PDE7B: variants seen among roughly 807,000 people sequenced by gnomAD.
The protein encoded by PDE7B is phosphodiesterase 7B.
PDE7B carries 29 observed loss-of-function variants against 56.2 expected under a neutral mutation model. The observed-to-expected ratio is 0.52, with a 90% CI of 0.38 to 0.70. The LOEUF (loss-of-function observed/expected upper bound fraction) is 0.70, where lower values mean the gene tolerates loss of function less well. Ranked by LOEUF, PDE7B falls within the 30% of genes least tolerant of loss-of-function variation. The pLI is 0.00. For missense variants in PDE7B, 490 were observed against 565.0 expected, an observed-to-expected ratio of 0.87 and a Z score of 1.35; for synonymous variants, 197 against 196.9, an observed-to-expected ratio of 1.00 and a Z score of 0.00.
intron 2 of PDE7B, among the ~76,000 whole-genome samples, chr6:136,074,554 A>G (rs965873700): frequency 1.3e-5 from 2 of 152,036 alleles, no homozygotes; most frequent in African/African-American, 4.8e-5. Flanking sequence ...ATATTTTTGT[A>G]CCAATTAACC....
At chr6:135,868,606 A>G (rs1421683474) in intron 1 of PDE7B, among the ~76,000 whole-genome samples, 7 of 152,136 alleles carry the variant, frequency 4.6e-5, no homozygotes, top group African/African-American at 1.7e-4. Flanking sequence ...TAATTTTTGT[A>G]TTTTTAGTAG....
At chr6:136,090,721 C>G (rs1002223084) in intron 2 of PDE7B, among the ~76,000 whole-genome samples, 1 of 152,060 alleles carries the variant, frequency 6.6e-6, no homozygotes, top group African/African-American at 2.4e-5. Context: ...GTTAAACAAC[C>G]AAGTCTCCTA....
intron 1 of PDE7B, among the ~76,000 whole-genome samples, chr6:135,900,195 A>G (rs762599535): frequency 6.6e-6 from 1 of 152,064 alleles, no homozygotes; most frequent in Non-Finnish European, 1.5e-5. Flanking sequence ...TTAAAATTTA[A>G]TATCTCGGGG....
rs537566065 is a variant in PDE7B at position 135,912,228 on chromosome 6, G to C, written c.22-35236G>C. 1.7e-4 allele frequency among the ~76,000 whole-genome samples: 26 copies of C among 152,170 alleles called. No individual in the cohort carries two copies. The East Asian group carries it at 3.7e-3, about 22-fold the overall frequency. ...TCCTACCTAGTACAGTTCTCTCTCT[G>C]TATCCCTGGGTTCCACATCAGCAGA... On this transcript the variant is annotated intron_variant, in intron 1 of 12. Coordinates refer to ENST00000308191, the MANE Select transcript of PDE7B (RefSeq NM_018945.4).
chr6:136,190,877 G>A (rs770275639), intron 12 of PDE7B, among the ~76,000 whole-genome samples: 40 of 152,052 alleles, frequency 2.6e-4, no homozygotes, highest in Admixed American at 1.8e-3. Flanking sequence ...ACTGTAAAAT[G>A]ATCATCTTGA....
In PDE7B at chr6:136,173,100, T is replaced by C. The variant is rs1778919508; in HGVS notation, c.712-697T>C. Reference sequence around the variant, plus strand: ...TGCCCAAGGTAATTTATAGATTCAATGCCATCCCCATCAAACTACCAATGA... The same window carrying C: ...TGCCCAAGGTAATTTATAGATTCAACGCCATCCCCATCAAACTACCAATGA... On this transcript the variant is annotated intron_variant, in intron 8 of 12. Transcript: ENST00000308191. Among the ~76,000 whole-genome samples, 5 of 152,274 alleles carry C rather than the reference T, an allele frequency of 3.3e-5. No homozygotes were observed. The South Asian group carries it at 1.0e-3, about 32-fold the overall frequency.
chr6:136,152,468 G>A (rs113068154), intron 6 of PDE7B, among the ~76,000 whole-genome samples: 52 of 152,314 alleles, frequency 3.4e-4, no homozygotes, highest in African/African-American at 1.2e-3. Flanking sequence ...GTTTAGGAGA[G>A]GTACAAAGAG....
At chr6:135,983,605 C>T (rs1248475280) in intron 2 of PDE7B, among the ~76,000 whole-genome samples, 1 of 152,110 alleles carries the variant, frequency 6.6e-6, no homozygotes, top group East Asian at 1.9e-4. Flanking sequence ...GGTTATAGCA[C>T]TAAAGTTTCC....
chr6:135,910,362 C>T (rs192214254), intron 1 of PDE7B, among the ~76,000 whole-genome samples: 19 of 152,306 alleles, frequency 1.2e-4, no homozygotes, highest in African/African-American at 3.6e-4. Flanking sequence ...TCAGTAACAC[C>T]GAGGTTATAC....
At chr6:136,110,711 CATT>C (rs1777730157) in intron 3 of PDE7B, among the ~76,000 whole-genome samples, 1 of 138,636 alleles carries the variant, frequency 7.2e-6, no homozygotes, top group African/African-American at 2.8e-5. Flanking sequence ...GATTCTGCAA[CATT>C]TTTTTTTTTT....
intron 2 of PDE7B, among the ~76,000 whole-genome samples, chr6:136,029,412 A>G (rs1220546349): frequency 6.6e-6 from 1 of 152,242 alleles, no homozygotes; most frequent in African/African-American, 2.4e-5. Context: ...TCAGCAAGGT[A>G]TGTGAACATA....
intron 3 of PDE7B, among the ~76,000 whole-genome samples, chr6:136,135,790 C>T (rs1778203288): frequency 6.6e-6 from 1 of 152,006 alleles, no homozygotes; most frequent in African/African-American, 2.4e-5. Context: ...ACAACCAAGT[C>T]TAAGTTATTA....
chr6:136,166,568 G>A (rs539390560), intron 8 of PDE7B, among the ~76,000 whole-genome samples: 1 of 152,220 alleles, frequency 6.6e-6, no homozygotes, highest in East Asian at 1.9e-4. Context: ...GCAAGAGAGA[G>A]AGTGAGGGCA....
chr6:136,070,552 T>C (rs576719122), intron 2 of PDE7B, among the ~76,000 whole-genome samples: 305 of 152,320 alleles, frequency 2.0e-3, no homozygotes, highest in Middle Eastern at 6.8e-3. Context: ...TCTGCTTTTT[T>C]TATTTTAAAA....
chr6:135,918,528 C>T (rs1426400931), intron 1 of PDE7B, among the ~76,000 whole-genome samples: 1 of 152,008 alleles, frequency 6.6e-6, no homozygotes, highest in African/African-American at 2.4e-5. Flanking sequence ...GTTTCTGTAC[C>T]ACTACTAGAA....
chr6:135,975,030 T>C (rs7744526), intron 2 of PDE7B, among the ~76,000 whole-genome samples: 12,840 of 152,030 alleles, frequency 0.084, 1,042 homozygotes, highest in African/African-American at 0.21. Context: ...GTGATGGTGC[T>C]GAGGCCCCTG....
chr6:135,907,675 T>A (rs1224101550), intron 1 of PDE7B, among the ~76,000 whole-genome samples: 1 of 152,186 alleles, frequency 6.6e-6, no homozygotes, highest in Non-Finnish European at 1.5e-5. Context: ...GTAATTTTAA[T>A]TTACATTTAC....
At chr6:136,037,894 T>G in intron 2 of PDE7B, 1 of 1,174,676 alleles carries the variant, frequency 8.5e-7, no homozygotes, top group Non-Finnish European at 1.1e-6. Flanking sequence ...GGCTTTTTTT[T>G]TTCTCCCTGC....
chr6:135,865,725 G>C (rs1162681641), intron 1 of PDE7B, among the ~76,000 whole-genome samples: 1 of 151,724 alleles, frequency 6.6e-6, no homozygotes, highest in Non-Finnish European at 1.5e-5. Flanking sequence ...TCTGTCTCTA[G>C]ATAGGATCTA....
Sources: gnomAD v4.1 joint callset for allele counts (sites outside exome capture counted in the v4.1 genomes callset) on GRCh38, gnomAD v4.1.1 for gene constraint, MANE v1.5 for transcripts, NCBI Gene and HGNC (gene_info 2026-07-23, HGNC 2026-07-21) for gene names.